The following PDE1A variants were observed in gnomAD, a reference collection of about 807,000 sequenced individuals.
The protein encoded by PDE1A is dual specificity calcium/calmodulin-dependent 3',5'-cyclic nucleotide phosphodiesterase 1A.
Under a neutral mutation model 61.7 loss-of-function variants are expected in PDE1A, and 35 were observed. That is an observed-to-expected ratio of 0.57 (90% CI 0.43 to 0.75). The LOEUF (loss-of-function observed/expected upper bound fraction) is 0.75. PDE1A is among the 30% of genes least tolerant of loss of function. The pLI is 0.00. For missense variants in PDE1A, 597 were observed against 630.6 expected (o/e 0.95, Z 0.57); for synonymous variants, 232 against 213.2 (o/e 1.09, Z -0.77).
intron 2 of PDE1A, among the ~76,000 whole-genome samples, chr2:182,462,804 CTTT>C (rs916624939): frequency 2.0e-5 from 3 of 151,882 alleles, no homozygotes; most frequent in Admixed American, 6.6e-5. Flanking sequence ...AACCTTGAAA[CTTT>C]TTTTTATTTT....
At chr2:182,536,523 C>T in the PDE1A span, among the ~76,000 whole-genome samples, 1 of 151,964 alleles carries the variant, frequency 6.6e-6, no homozygotes, top group East Asian at 1.9e-4. Flanking sequence ...GTAAAGAAGA[C>T]TATAAAAGCT....
the PDE1A span, among the ~76,000 whole-genome samples, chr2:182,666,370 C>G: frequency 4.6e-5 from 7 of 152,088 alleles, no homozygotes; most frequent in Non-Finnish European, 1.0e-4. Context: ...GTAATCCCAG[C>G]ACTTTGGGAG....
At chr2:182,692,689 AAT>A in the PDE1A span, among the ~76,000 whole-genome samples, 1 of 148,118 alleles carries the variant, frequency 6.8e-6, no homozygotes, top group African/African-American at 2.5e-5. Flanking sequence ...ATATATATAA[AAT>A]ATATATATGT....
At chr2:182,264,878 C>CATACATATATATATATAT (rs1553560266) in intron 1 of PDE1A, among the ~76,000 whole-genome samples, 1 of 106,878 alleles carries the variant, frequency 9.4e-6, no homozygotes, top group East Asian at 2.8e-4. Flanking sequence ...TATATATATA[C>CATACATATATATATATAT]ATATATATAT....
At chr2:182,518,805 C>T (rs1233404524) in intron 2 of PDE1A, among the ~76,000 whole-genome samples, 5 of 151,996 alleles carry the variant, frequency 3.3e-5, no homozygotes, top group East Asian at 1.9e-4. Context: ...AATTTCATGT[C>T]GTTTTCACTG....
chr2:182,220,751 T>C (rs998251335), intron 7 of PDE1A, among the ~76,000 whole-genome samples: 1 of 152,110 alleles, frequency 6.6e-6, no homozygotes, highest in Non-Finnish European at 1.5e-5. Context: ...TTTTGTATTA[T>C]GTAGTAAATT....
the PDE1A span, among the ~76,000 whole-genome samples, chr2:182,698,619 C>T: frequency 1.3e-5 from 2 of 152,102 alleles, no homozygotes; most frequent in Non-Finnish European, 2.9e-5. Context: ...CATTATTTTA[C>T]AGATTTGTAA....
intron 1 of PDE1A, among the ~76,000 whole-genome samples, chr2:182,269,309 A>G (rs982349332): frequency 6.6e-6 from 1 of 151,700 alleles, no homozygotes; most frequent in Admixed American, 6.6e-5. Flanking sequence ...GCCAACATGG[A>G]GAAACTCCGT....
At chr2:182,502,925 GAA>G (rs1689169625) in intron 2 of PDE1A, among the ~76,000 whole-genome samples, 1 of 151,956 alleles carries the variant, frequency 6.6e-6, no homozygotes, top group African/African-American at 2.4e-5. Flanking sequence ...CTAAAATTTG[GAA>G]AGTTGTGAAT....
At chr2:182,642,521 A>T in the PDE1A span, among the ~76,000 whole-genome samples, 2 of 152,196 alleles carry the variant, frequency 1.3e-5, no homozygotes, top group African/African-American at 4.8e-5. Flanking sequence ...CACTGAGGTC[A>T]GCGGGATGCA....
At chr2:182,157,313 C>T (rs1016809427) in intron 13 of PDE1A, among the ~76,000 whole-genome samples, 1 of 152,104 alleles carries the variant, frequency 6.6e-6, no homozygotes, top group African/African-American at 2.4e-5. Flanking sequence ...CTGTGACCAG[C>T]CTATTTTGAT....
chr2:182,203,431 C>G (rs560139284), intron 8 of PDE1A, among the ~76,000 whole-genome samples: 1 of 152,180 alleles, frequency 6.6e-6, no homozygotes, highest in East Asian at 1.9e-4. Context: ...ACTCTGCTTA[C>G]TTACTTTTAT....
At chr2:182,314,039 C>T (rs1696171985) in intron 1 of PDE1A, among the ~76,000 whole-genome samples, 2 of 152,070 alleles carry the variant, frequency 1.3e-5, no homozygotes, top group African/African-American at 4.8e-5. Context: ...TAGATAGTTA[C>T]CCAAAAGTAA....
At chr2:182,209,887 T>C (rs1559189065) in intron 7 of PDE1A, among the ~76,000 whole-genome samples, 1 of 152,302 alleles carries the variant, frequency 6.6e-6, no homozygotes, top group East Asian at 1.9e-4. Flanking sequence ...CAGCTTTTTA[T>C]AGCAGTGTGA....
intron 2 of PDE1A, among the ~76,000 whole-genome samples, chr2:182,516,767 A>G (rs1433513617): frequency 8.0e-6 from 1 of 124,818 alleles, no homozygotes; most frequent in Non-Finnish European, 1.8e-5. Flanking sequence ...AAGAAAAAGA[A>G]AGAAAGAAAG....
the PDE1A span, among the ~76,000 whole-genome samples, chr2:182,529,104 G>A: frequency 6.6e-6 from 1 of 152,108 alleles, no homozygotes; most frequent in Non-Finnish European, 1.5e-5. Flanking sequence ...CCCCAGAATA[G>A]CAGATCTACA....
chr2:182,531,048 A>G, the PDE1A span, among the ~76,000 whole-genome samples: 1 of 152,106 alleles, frequency 6.6e-6, no homozygotes, highest in Non-Finnish European at 1.5e-5. Flanking sequence ...CTGATAAAAT[A>G]ATGACATATC....
intron 2 of PDE1A, among the ~76,000 whole-genome samples, chr2:182,502,678 A>G (rs954560166): frequency 6.6e-6 from 1 of 152,180 alleles, no homozygotes; most frequent in African/African-American, 2.4e-5. Flanking sequence ...AGTACAAGTC[A>G]ACAATCCCTT....
At chr2:182,524,028 A>G (rs1309516665), upstream of PDE1A, among the ~76,000 whole-genome samples, 2 of 152,206 alleles carry the variant, frequency 1.3e-5, no homozygotes, top group East Asian at 3.8e-4. Flanking sequence ...ATTCAATCTG[A>G]ATGTAATGTC....
Sources: gnomAD v4.1 joint callset for allele counts (sites outside exome capture counted in the v4.1 genomes callset) on GRCh38, gnomAD v4.1.1 for gene constraint, MANE v1.5 for transcripts, NCBI Gene and HGNC (gene_info 2026-07-23, HGNC 2026-07-21) for gene names.